Variants in KCNS3 observed in about 807,000 individuals in gnomAD.
KCNS3 encodes the protein potassium voltage-gated channel modifier subfamily S member 3.
Under a neutral mutation model 31.0 loss-of-function variants are expected in KCNS3, and 13 were observed. The ratio of observed to expected loss-of-function variants is 0.42; its 90% CI spans 0.27 to 0.67. KCNS3 has a LOEUF of 0.67. KCNS3 is among the 30% of genes least tolerant of loss of function. The pLI, the probability that KCNS3 is intolerant of heterozygous loss-of-function variation, is 0.25. For synonymous variants in KCNS3, 238 were observed against 241.5 expected, an observed-to-expected ratio of 0.99 and a Z score of 0.13; for missense variants, 545 against 622.4, an observed-to-expected ratio of 0.88 and a Z score of 1.32.
intron 1 of KCNS3, 54 bp from the exon 2 acceptor site, chr2:17,917,626 C>G (rs550432170): frequency 1.3e-5 from 2 of 152,514 alleles, no homozygotes; most frequent in East Asian, 3.9e-4. Context: ...GGTAGAATGT[C>G]TTGGGTGTAT....
intron 2 of KCNS3, among the ~76,000 whole-genome samples, chr2:17,928,807 A>ACT (rs2125254655): frequency 1.3e-5 from 2 of 152,306 alleles, no homozygotes; most frequent in Admixed American, 1.3e-4. Context: ...ACAGACTAGA[A>ACT]AACACATCCT....
chr2:17,919,866 A>G lies in KCNS3; in HGVS notation c.-60+1995A>G, dbSNP rs375006735. ...GTAGGATCCTCGCCATGCTCAGACAATGCTGTAAGAGAAGACTCTTACCAG... is the reference window on the plus strand; with the variant it reads ...GTAGGATCCTCGCCATGCTCAGACAGTGCTGTAAGAGAAGACTCTTACCAG... On this transcript the variant is annotated intron_variant, in intron 2 of 2. Coordinates refer to ENST00000304101, the MANE Select transcript of KCNS3 (RefSeq NM_002252.5). Among the ~76,000 whole-genome samples the G allele has an allele frequency of 2.8e-3, 433 of 152,300 alleles. 2 individuals are homozygous for G. The highest frequency in any genetic ancestry group is 0.01 in the African/African-American group (420 of 41,568).
Position 17,893,353 on chromosome 2 carries a change from GAGAA to G in KCNS3, c.-252+14554_-252+14557del, listed in dbSNP as rs560222909. 1.1e-3 allele frequency among the ~76,000 whole-genome samples: 168 copies of G among 152,358 alleles called. 1 individual carries two copies. The highest frequency in any genetic ancestry group is 3.8e-3 in the African/African-American group (158 of 41,580). ...GCCCGAGGCCATCTGCCTCCCAGCTGAGAAAGAAAGGGCTTTAATTCTTCCTGGC... is the reference window on the plus strand; with the variant it reads ...GCCCGAGGCCATCTGCCTCCCAGCTGAGAAAGGGCTTTAATTCTTCCTGGC... On this transcript the variant is annotated intron_variant, in intron 1 of 2. Coordinates refer to ENST00000304101, the MANE Select transcript of KCNS3 (RefSeq NM_002252.5).
At chr2:17,923,700 A>G (rs188978730) in intron 2 of KCNS3, among the ~76,000 whole-genome samples, 233 of 152,048 alleles carry the variant, frequency 1.5e-3, no homozygotes, top group African/African-American at 5.2e-3. Flanking sequence ...GTGGCTATCC[A>G]GCTGTTCCAA....
At chr2:17,885,435 G>A (rs1303947257) in intron 1 of KCNS3, among the ~76,000 whole-genome samples, 2 of 152,212 alleles carry the variant, frequency 1.3e-5, no homozygotes, top group African/African-American at 4.8e-5. Flanking sequence ...AATAGGCTGT[G>A]CATATGTGTA....
rs371051523 is a variant in KCNS3, at chr2:17,931,534, G to T, written c.526G>T (p.Glu176Ter). The change falls in exon 3 of 3, where the codon GAG (glutamate) becomes TAG (stop). Residue 176 changes from glutamate to a stop codon, truncating the protein, a stop_gained. Transcript: ENST00000304101. LOFTEE classifies it high-confidence loss of function. The surrounding 1 kb of genome is among the most constrained non-coding windows in gnomAD (Gnocchi z 5.4). Reference sequence around the variant, plus strand: ...CCGGAAGAAAATCTGGATTAGAATGGAGAATCCAGCGTACTGCCTGTCCGC... The same window carrying T: ...CCGGAAGAAAATCTGGATTAGAATGTAGAATCCAGCGTACTGCCTGTCCGC... ...QLRKKIWIRM[E>*]NPAYCLSAKL... is the part of the protein sequence containing the mutation. 3.1e-6 allele frequency: 5 copies of T among 1,614,060 alleles called. No individual in the cohort carries two copies. Among genetic ancestry groups the T allele is most frequent in the Non-Finnish European group, 4.2e-6 (5 of 1,180,042 alleles).
chr2:17,931,422 T>C lies in KCNS3; in HGVS notation c.414T>C (p.His138=). 1.9e-6 allele frequency: 3 copies of C among 1,614,022 alleles called. No homozygotes were observed. Among genetic ancestry groups the C allele is most frequent in the Non-Finnish European group, 1.7e-6 (2 of 1,179,994 alleles). Residue 138 remains histidine, a synonymous_variant, in exon 3 of 3, where the codon CAT becomes CAC. Transcript: ENST00000304101. This position sits in a 1 kb window ranked among gnomAD's most constrained non-coding sequence, Gnocchi z 5.4. Reference sequence around the variant, plus strand: ...AGAAGGACTGGGACCAGAAAAGCCATGATGTGAGTACCGACTCCTCGTTTG... The same window carrying C: ...AGAAGGACTGGGACCAGAAAAGCCACGATGTGAGTACCGACTCCTCGTTTG... ...NHEKDWDQKS[H]DVSTDSSFEE...
Position 17,931,545 on chromosome 2 carries a change from G to A in KCNS3, c.537G>A (p.Ala179=), listed in dbSNP as rs532613175. 301 of 1,614,162 alleles carry A rather than the reference G, an allele frequency of 1.9e-4. 1 individual carries two copies. The South Asian group carries it at 2.3e-3, about 12-fold the overall frequency. ...TCTGGATTAGAATGGAGAATCCAGC[G>A]TACTGCCTGTCCGCTAAGCTTATCG... The part of the protein sequence containing the change: ...KKIWIRMENP[A]YCLSAKLIAI... The change falls in exon 3 of 3, where the codon GCG becomes GCA. Residue 179 remains alanine (A), a synonymous_variant. Transcript: ENST00000304101. This position sits in a 1 kb window ranked among gnomAD's most constrained non-coding sequence, Gnocchi z 5.4.
chr2:17,922,765 T>G (rs1197808923), intron 2 of KCNS3, among the ~76,000 whole-genome samples: 1 of 152,186 alleles, frequency 6.6e-6, no homozygotes, highest in Non-Finnish European at 1.5e-5. Flanking sequence ...TATGATCTTT[T>G]ATTGTCTTTT....
At chr2:17,926,995 G>A (rs898566365) in intron 2 of KCNS3, among the ~76,000 whole-genome samples, 8 of 152,064 alleles carry the variant, frequency 5.3e-5, no homozygotes, top group Non-Finnish European at 7.4e-5. Context: ...AATTTCAAAC[G>A]ATCTTTTGTG....
At chr2:17,919,455 G>A (rs1182566220) in intron 2 of KCNS3, 1 of 152,190 alleles carries the variant, frequency 6.6e-6, no homozygotes, top group South Asian at 2.1e-4. Context: ...CCTGCCCAAG[G>A]TCATGCAGAT....
chr2:17,908,677 C>G (rs528992198), intron 1 of KCNS3, among the ~76,000 whole-genome samples: 5 of 152,364 alleles, frequency 3.3e-5, no homozygotes, highest in African/African-American at 1.2e-4. Context: ...TTCCGTCTAG[C>G]AGTCAGGACC....
chr2:17,901,464 A>C (rs1285774249), intron 1 of KCNS3, among the ~76,000 whole-genome samples: 1 of 152,158 alleles, frequency 6.6e-6, no homozygotes, highest in Non-Finnish European at 1.5e-5. Flanking sequence ...GGCCTGAGTA[A>C]GCGGGTATGA....
At chr2:17,930,089 A>G (rs1291938370) in intron 2 of KCNS3, among the ~76,000 whole-genome samples, 1 of 152,230 alleles carries the variant, frequency 6.6e-6, no homozygotes, top group African/African-American at 2.4e-5. Context: ...TGTCAGAACT[A>G]AAAACAGGCC....
upstream of KCNS3, chr2:17,877,976 C>T (rs1674544340): frequency 6.6e-6 from 1 of 152,176 alleles, no homozygotes; most frequent in South Asian, 2.1e-4. Flanking sequence ...GAAAGGGGAC[C>T]CGACTGGTTC....
chr2:17,903,989 G>T lies in KCNS3; in HGVS notation c.-251-13691G>T, dbSNP rs1662250814. 2.0e-5 allele frequency among the ~76,000 whole-genome samples: 3 copies of T among 152,008 alleles called. No homozygotes were observed. In the South Asian group the frequency reaches 6.3e-4, roughly 32 times the overall value. On this transcript the variant is annotated intron_variant, in intron 1 of 2. Coordinates refer to ENST00000304101, the MANE Select transcript of KCNS3 (RefSeq NM_002252.5). Reference sequence around the variant, plus strand: ...TATATACCCAGTAATGGGATGGCTGGGTCAAATGGTATTTCTAGTTCTAGA... The same window carrying T: ...TATATACCCAGTAATGGGATGGCTGTGTCAAATGGTATTTCTAGTTCTAGA...
At chr2:17,885,292 A>G (rs1661617585) in intron 1 of KCNS3, among the ~76,000 whole-genome samples, 1 of 152,066 alleles carries the variant, frequency 6.6e-6, no homozygotes, top group Non-Finnish European at 1.5e-5. Flanking sequence ...ACTCCTCCTT[A>G]CCTGGTCTTC....
intron 1 of KCNS3, among the ~76,000 whole-genome samples, chr2:17,909,853 C>A (rs770037912): frequency 2.0e-5 from 3 of 152,160 alleles, no homozygotes; most frequent in Non-Finnish European, 4.4e-5. Context: ...GAGGTAAGAT[C>A]AGACAAATGA....
At chr2:17,912,350 G>A (rs1255034555) in intron 1 of KCNS3, among the ~76,000 whole-genome samples, 1 of 152,216 alleles carries the variant, frequency 6.6e-6, no homozygotes, top group East Asian at 1.9e-4. Flanking sequence ...TAGTGCAGTT[G>A]TTTGATGCAT....
Sources: allele counts gnomAD v4.1 joint callset (sites outside exome capture counted in the v4.1 genomes callset), GRCh38; gene constraint gnomAD v4.1.1; non-coding constraint Gnocchi (gnomAD v3.1); transcripts MANE v1.5; gene names NCBI Gene and HGNC (gene_info 2026-07-23, HGNC 2026-07-21).